ITGBL1: variants seen among roughly 807,000 people sequenced by gnomAD.
ITGBL1 encodes the protein integrin beta-like protein 1.
A neutral mutation model predicts 68.5 loss-of-function variants in ITGBL1; 51 were observed. That is an observed-to-expected ratio of 0.74 (90% CI 0.59 to 0.94). ITGBL1 has a LOEUF of 0.94. ITGBL1 is among the 40% of genes least tolerant of loss of function. The probability of loss-of-function intolerance (pLI) is 0.00; values close to 1 mark genes in which losing one functional copy is unlikely to be tolerated. For synonymous variants in ITGBL1, 209 were observed against 227.3 expected (o/e 0.92, Z 0.72); for missense variants, 649 against 647.4 (o/e 1.00, Z -0.03).
At chr13:101,692,756 C>A in intron 8 of ITGBL1, 55 bp downstream of exon 8, 1 of 1,047,750 alleles carries the variant, frequency 9.5e-7, no homozygotes, top group Non-Finnish European at 1.5e-6. Flanking sequence ...CTTTACCTGC[C>A]TTTGTTATTC....
At chr13:101,502,940 C>T (rs12874356) in intron 2 of ITGBL1, among the ~76,000 whole-genome samples, 10,993 of 152,206 alleles carry the variant, frequency 0.072, 566 homozygotes, top group East Asian at 0.14. Flanking sequence ...GCCTCTCCAT[C>T]TACAGATTGT....
chr13:101,493,922 G>T (rs191793700), intron 2 of ITGBL1, among the ~76,000 whole-genome samples: 1 of 152,144 alleles, frequency 6.6e-6, no homozygotes, highest in African/African-American at 2.4e-5. Flanking sequence ...GATTTGCCAG[G>T]TTAGATTTAT....
intron 7 of ITGBL1, among the ~76,000 whole-genome samples, chr13:101,648,375 C>G (rs568016224): frequency 6.6e-5 from 10 of 152,172 alleles, no homozygotes; most frequent in East Asian, 5.8e-4. Flanking sequence ...TAACTAAGAT[C>G]GAGAACTCAA....
chr13:101,598,464 T>G (rs2030130380), intron 7 of ITGBL1, among the ~76,000 whole-genome samples, 165 bp downstream of exon 7: 1 of 152,172 alleles, frequency 6.6e-6, no homozygotes. Context: ...TTTTAAGTTT[T>G]AGTGTACATG....
chr13:101,659,461 G>A (rs568212228), intron 7 of ITGBL1, among the ~76,000 whole-genome samples: 15 of 152,218 alleles, frequency 9.9e-5, no homozygotes, highest in African/African-American at 3.1e-4. Flanking sequence ...CCAAAATATA[G>A]TATTATTTCT....
At position 101,715,876 on chromosome 13, in the gene ITGBL1, T is replaced by C. The variant is rs2139625078; in HGVS notation, c.*222T>C. ...AAAAAAGATTCTTCCATAATTAACA[T>C]AAGTGGTTCCTAACGAGAGCAATTT... is the stretch of plus-strand genomic sequence containing the variant. On this transcript the variant is annotated 3_prime_UTR_variant, in exon 11 of 11. Coordinates refer to ENST00000376180, the MANE Select transcript of ITGBL1 (RefSeq NM_004791.3). 2.3e-6 allele frequency: 1 copy of C among 436,490 alleles called. No individual in the cohort carries two copies. Among genetic ancestry groups the C allele is most frequent in the Non-Finnish European group, 4.1e-6 (1 of 242,332 alleles). The allele number at this position is 436,490 out of a possible 1,614,324, so 27.0% of individuals were successfully genotyped here.
chr13:101,496,790 A>G (rs2048863799), intron 2 of ITGBL1, among the ~76,000 whole-genome samples: 1 of 152,200 alleles, frequency 6.6e-6, no homozygotes, highest in African/African-American at 2.4e-5. Context: ...TTCAGGTAGG[A>G]CAATCCTCTC....
chr13:101,691,925 A>G (rs941972519), intron 7 of ITGBL1, among the ~76,000 whole-genome samples: 1 of 152,242 alleles, frequency 6.6e-6, no homozygotes, highest in African/African-American at 2.4e-5. Context: ...TTACCACTCA[A>G]TAAATCATGA....
At chr13:101,669,853 AC>A (rs2033315631) in intron 7 of ITGBL1, among the ~76,000 whole-genome samples, 2 of 152,146 alleles carry the variant, frequency 1.3e-5, no homozygotes, top group African/African-American at 4.8e-5. Context: ...CAGAAGTTCA[AC>A]TTTTCATTGC....
rs192782579 is a variant in ITGBL1, at chr13:101,543,553, G to A, written c.317-24146G>A. ...TATGTGTCTTGGGGTTGCTCTTCTTGAGGAGTATCTTTGTGGCGTTCTCTG... is the reference window on the plus strand; with the variant it reads ...TATGTGTCTTGGGGTTGCTCTTCTTAAGGAGTATCTTTGTGGCGTTCTCTG... On this transcript the variant is annotated intron_variant, in intron 2 of 10. Coordinates refer to ENST00000376180, the MANE Select transcript of ITGBL1 (RefSeq NM_004791.3). Among the ~76,000 whole-genome samples the A allele has an allele frequency of 3.9e-5, 6 of 152,144 alleles. No homozygotes were observed. The East Asian group carries it at 1.2e-3, about 29-fold the overall frequency.
At position 101,508,456 on chromosome 13, in the gene ITGBL1, G is replaced by A. The variant is rs146316873; in HGVS notation, c.316+54356G>A. On this transcript the variant is annotated intron_variant, in intron 2 of 10. Coordinates refer to ENST00000376180, the MANE Select transcript of ITGBL1 (RefSeq NM_004791.3). ...ATGGAACATCTTATCTCTTATATTT[G>A]CCAAACTGCTTTATAAGAATATGGT... Among the ~76,000 whole-genome samples the A allele has an allele frequency of 3.3e-3, 504 of 152,126 alleles. 1 individual carries two copies. Among genetic ancestry groups the A allele is most frequent in the African/African-American group, 0.011 (475 of 41,510 alleles).
chr13:101,598,682 C>A (rs1316907610), intron 7 of ITGBL1, among the ~76,000 whole-genome samples: 1 of 151,890 alleles, frequency 6.6e-6, no homozygotes, highest in Non-Finnish European at 1.5e-5. Flanking sequence ...GAGAATATGC[C>A]GTGTTTGGTT....
At chr13:101,713,763 T>C (rs1024262077) in intron 9 of ITGBL1, 1 of 152,192 alleles carries the variant, frequency 6.6e-6, no homozygotes, top group South Asian at 2.1e-4. Context: ...TTTAGTTAGG[T>C]AGGAGAAATG....
intron 2 of ITGBL1, among the ~76,000 whole-genome samples, chr13:101,520,305 G>T (rs12586014): frequency 0.2 from 30,230 of 152,120 alleles, 3,496 homozygotes; most frequent in East Asian, 0.45. Flanking sequence ...CAAAACTCCA[G>T]ATGAAATTAT....
chr13:101,490,402 G>A (rs1371158674), intron 2 of ITGBL1, among the ~76,000 whole-genome samples: 1 of 152,192 alleles, frequency 6.6e-6, no homozygotes, highest in Non-Finnish European at 1.5e-5. Context: ...AGTGCTAGCT[G>A]ACTAAGACAC....
chr13:101,605,279 T>C (rs943501184), intron 7 of ITGBL1, among the ~76,000 whole-genome samples: 4 of 149,792 alleles, frequency 2.7e-5, no homozygotes, highest in Non-Finnish European at 4.5e-5. Context: ...GGCATGTGTG[T>C]ATATGCGTAT....
chr13:101,639,010 G>A (rs1434251297), intron 7 of ITGBL1, among the ~76,000 whole-genome samples: 2 of 152,068 alleles, frequency 1.3e-5, no homozygotes, highest in Non-Finnish European at 2.9e-5. Context: ...AAAAGAGAAA[G>A]GAAATGAACA....
intron 7 of ITGBL1, among the ~76,000 whole-genome samples, chr13:101,615,267 A>T (rs1035296877): frequency 6.6e-6 from 1 of 152,076 alleles, no homozygotes; most frequent in Non-Finnish European, 1.5e-5. Flanking sequence ...CCCACCCTAA[A>T]TCCAGGATGA....
chr13:101,696,164 C>T (rs2033998069), intron 8 of ITGBL1, among the ~76,000 whole-genome samples: 1 of 152,110 alleles, frequency 6.6e-6, no homozygotes, highest in Non-Finnish European at 1.5e-5. Flanking sequence ...GCAAGAACTC[C>T]CATGGGTATA....
Sources: gnomAD v4.1 joint callset for allele counts (sites outside exome capture counted in the v4.1 genomes callset) on GRCh38, gnomAD v4.1.1 for gene constraint, MANE v1.5 for transcripts, NCBI Gene and HGNC (gene_info 2026-07-23, HGNC 2026-07-21) for gene names.